CTNNA3: variants seen among roughly 807,000 people sequenced by gnomAD.
CTNNA3 encodes the protein catenin alpha 3.
Under a neutral mutation model 95.7 loss-of-function variants are expected in CTNNA3, and 76 were observed. The ratio of observed to expected loss-of-function variants is 0.79; its 90% CI spans 0.66 to 0.96. The LOEUF (loss-of-function observed/expected upper bound fraction) is 0.96, where lower values mean the gene tolerates loss of function less well. Ranked by LOEUF, CTNNA3 falls within the 40% of genes least tolerant of loss-of-function variation. The pLI is 0.00. For synonymous variants in CTNNA3, 431 were observed against 374.4 expected (o/e 1.15, Z -1.74); for missense variants, 1,191 against 1,089.8 (o/e 1.09, Z -1.31).
chr10:66,150,072 T>G (rs1201818726), intron 13 of CTNNA3, among the ~76,000 whole-genome samples: 1 of 152,350 alleles, frequency 6.6e-6, no homozygotes, highest in Non-Finnish European at 1.5e-5. Flanking sequence ...GTTGATATGG[T>G]TTGGCTGTGT....
chr10:65,983,318 A>C (rs1427907986), intron 16 of CTNNA3, among the ~76,000 whole-genome samples: 1 of 151,628 alleles, frequency 6.6e-6, no homozygotes, highest in East Asian at 1.9e-4. Flanking sequence ...CTTTTAGCAG[A>C]TGCTAATTTT....
chr10:67,422,996 C>T (rs1289139232), intron 5 of CTNNA3, among the ~76,000 whole-genome samples: 1 of 152,110 alleles, frequency 6.6e-6, no homozygotes, highest in East Asian at 1.9e-4. Flanking sequence ...TTCCAATATA[C>T]TCTTAGATTT....
At chr10:66,074,742 T>A (rs1277403714) in intron 14 of CTNNA3, among the ~76,000 whole-genome samples, 3 of 151,642 alleles carry the variant, frequency 2.0e-5, no homozygotes, top group African/African-American at 7.3e-5. Context: ...AACTATCTTA[T>A]CTCACTTACT....
chr10:67,074,739 TTC>T (rs1856659953), intron 7 of CTNNA3, among the ~76,000 whole-genome samples: 1 of 152,156 alleles, frequency 6.6e-6, no homozygotes, highest in Non-Finnish European at 1.5e-5. Context: ...TCTGTGTAGA[TTC>T]TGTCTTATGC....
intron 2 of CTNNA3, among the ~76,000 whole-genome samples, chr10:67,640,142 C>G (rs898024817): frequency 2.0e-5 from 3 of 152,180 alleles, no homozygotes; most frequent in Non-Finnish European, 4.4e-5. Context: ...AGCTCATAAG[C>G]AACTACAGCA....
At chr10:67,763,556 C>A (rs887254305) in exon 1 of CTNNA3, among the ~76,000 whole-genome samples, 4 of 152,184 alleles carry the variant, frequency 2.6e-5, no homozygotes, top group Non-Finnish European at 5.9e-5. Flanking sequence ...GAAACTTCAA[C>A]TAGTAAAAGG....
chr10:66,796,608 T>C (rs1207739688), intron 7 of CTNNA3, among the ~76,000 whole-genome samples: 3 of 152,042 alleles, frequency 2.0e-5, no homozygotes, highest in Non-Finnish European at 2.9e-5. Context: ...TGAAGCAGGA[T>C]TTCCACAAAC....
At chr10:66,692,110 A>G (rs4745914) in intron 9 of CTNNA3, among the ~76,000 whole-genome samples, 26,438 of 151,544 alleles carry the variant, frequency 0.17, 2,709 homozygotes, top group East Asian at 0.33. Context: ...AAAGCTGGAC[A>G]GAGAATGACT....
At chr10:66,425,250 CAGTT>C (rs571620051) in intron 11 of CTNNA3, among the ~76,000 whole-genome samples, 458 of 151,722 alleles carry the variant, frequency 3.0e-3, no homozygotes, top group African/African-American at 0.011. Context: ...ATAAGATTAG[CAGTT>C]AGTTTTTTTA....
intron 13 of CTNNA3, among the ~76,000 whole-genome samples, chr10:66,133,201 T>C (rs552180628): frequency 3.3e-5 from 5 of 152,264 alleles, no homozygotes; most frequent in Admixed American, 2.6e-4. Context: ...ACAAGATACT[T>C]TTCTGGAATA....
intron 12 of CTNNA3, among the ~76,000 whole-genome samples, chr10:66,341,976 T>C (rs933550449): frequency 5.3e-5 from 8 of 151,728 alleles, no homozygotes; most frequent in African/African-American, 1.9e-4. Context: ...TATATATATA[T>C]ATTCACATAT....
intron 5 of CTNNA3, among the ~76,000 whole-genome samples, chr10:67,432,715 TACCATATAAAGTAAC>T (rs1846152000): frequency 1.3e-5 from 2 of 152,080 alleles, no homozygotes; most frequent in Non-Finnish European, 2.9e-5. Flanking sequence ...TCACATCATT[TACCATATAAAGTAAC>T]ATTCACTCTT....
At chr10:66,592,623 T>C (rs1238128896) in intron 10 of CTNNA3, among the ~76,000 whole-genome samples, 1 of 152,122 alleles carries the variant, frequency 6.6e-6, no homozygotes, top group African/African-American at 2.4e-5. Flanking sequence ...AAGCAAAAGC[T>C]GAGACACAGA....
rs1418212392 is a variant in CTNNA3 at position 67,539,511 on chromosome 10, C to A, written c.451G>T (p.Val151Leu). 25 of 1,613,166 alleles carry A rather than the reference C, an allele frequency of 1.5e-5. No homozygotes were observed. Among genetic ancestry groups the A allele is most frequent in the Non-Finnish European group, 2.0e-5 (23 of 1,179,450 alleles). The change falls in exon 4 of 18, where the codon GTG becomes TTG. Residue 151 changes from valine to leucine, a missense_variant. By Grantham distance (32) the Val-to-Leu change is conservative (BLOSUM62 1). Coordinates refer to ENST00000433211, the MANE Select transcript of CTNNA3 (RefSeq NM_013266.4). ...MIDVMCLLQH[V>L]SAFQRTFESL... ...AGCCATCTTTTACTTACAGCTGACA[C>A]ATGTTGCAAGAGGCACATGACATCA...
chr10:66,900,731 G>A, intron 7 of CTNNA3, among the ~76,000 whole-genome samples: 1 of 152,128 alleles, frequency 6.6e-6, no homozygotes, highest in East Asian at 1.9e-4. Flanking sequence ...CATGACACAG[G>A]CACAAGCTTC....
At chr10:66,241,508 T>C (rs2090104772) in intron 13 of CTNNA3, among the ~76,000 whole-genome samples, 1 of 152,160 alleles carries the variant, frequency 6.6e-6, no homozygotes, top group Non-Finnish European at 1.5e-5. Flanking sequence ...TAGGAGAATA[T>C]AATCGGAAAT....
chr10:66,078,793 G>T (rs1013135705), intron 14 of CTNNA3, among the ~76,000 whole-genome samples: 1 of 151,730 alleles, frequency 6.6e-6, no homozygotes, highest in Non-Finnish European at 1.5e-5. Flanking sequence ...TGACAATATA[G>T]AAATCCTCAA....
chr10:66,705,220 A>T lies in CTNNA3; in HGVS notation c.1281+61044T>A, dbSNP rs377288687. Among the ~76,000 whole-genome samples, 43 of 152,172 alleles carry T rather than the reference A, an allele frequency of 2.8e-4. 1 individual carries two copies. In the South Asian group the frequency reaches 8.7e-3, roughly 31 times the overall value. On this transcript the variant is annotated intron_variant, in intron 9 of 17. Coordinates refer to ENST00000433211, the MANE Select transcript of CTNNA3 (RefSeq NM_013266.4). ...GTATTCTTAGGATAAATCGTATTTC[A>T]TTAGGATATGTTAAGCTTTTAGATA...
At chr10:66,982,813 A>G (rs1850516075) in intron 7 of CTNNA3, among the ~76,000 whole-genome samples, 1 of 152,170 alleles carries the variant, frequency 6.6e-6, no homozygotes, top group Admixed American at 6.5e-5. Flanking sequence ...CCTTTCCAGT[A>G]AGATATTATG....
Sources: gnomAD v4.1 joint callset for allele counts (sites outside exome capture counted in the v4.1 genomes callset) on GRCh38, gnomAD v4.1.1 for gene constraint, MANE v1.5 for transcripts, NCBI Gene and HGNC (gene_info 2026-07-23, HGNC 2026-07-21) for gene names.